Variants in ATF3 observed in about 807,000 individuals in gnomAD.
ATF3 encodes the protein cyclic AMP-dependent transcription factor ATF-3.
A neutral mutation model predicts 18.4 loss-of-function variants in ATF3; 10 were observed. The observed-to-expected ratio is 0.54, with a 90% CI of 0.34 to 0.92. The LOEUF (loss-of-function observed/expected upper bound fraction) is 0.92, where lower values mean the gene tolerates loss of function less well. Ranked by LOEUF, ATF3 falls within the 40% of genes least tolerant of loss-of-function variation. The pLI, the probability that ATF3 is intolerant of heterozygous loss-of-function variation, is 0.02. For synonymous variants in ATF3, 78 were observed against 87.9 expected (o/e 0.89, Z 0.63); for missense variants, 183 against 222.3 (o/e 0.82, Z 1.12).
At chr1:212,607,817 G>T (rs549739766), upstream of ATF3, among the ~76,000 whole-genome samples, 38 of 152,198 alleles carry the variant, frequency 2.5e-4, no homozygotes, top group African/African-American at 8.7e-4. Context: ...CTCCCACCGG[G>T]TTGCCTCTGA....
chr1:212,592,722 T>A (rs1664912786), intron 1 of ATF3, among the ~76,000 whole-genome samples: 1 of 152,058 alleles, frequency 6.6e-6, no homozygotes, highest in Non-Finnish European at 1.5e-5. Flanking sequence ...ACTACTTTGG[T>A]GGGCTGTGTG....
chr1:212,608,451 G>T (rs931548062), upstream of ATF3, among the ~76,000 whole-genome samples: 18 of 152,162 alleles, frequency 1.2e-4, no homozygotes, highest in Non-Finnish European at 2.6e-4. Flanking sequence ...CACATCTGGC[G>T]GCTATCCCGG....
chr1:212,619,625 C>T lies in ATF3; in HGVS notation c.*70C>T. Reference sequence around the variant, plus strand: ...CATTTTATACCCAAAACCCTGAAGCCATTGGAGAGCTGTCTTCCTGTGTAC... The same window carrying T: ...CATTTTATACCCAAAACCCTGAAGCTATTGGAGAGCTGTCTTCCTGTGTAC... On this transcript the variant is annotated 3_prime_UTR_variant, in exon 4 of 4. Transcript: ENST00000341491. This position sits in a 1 kb window ranked among gnomAD's most constrained non-coding sequence, Gnocchi z 4.4. 2 of 1,573,448 alleles carry T rather than the reference C, an allele frequency of 1.3e-6. No individual in the cohort carries two copies. Among genetic ancestry groups the T allele is most frequent in the Non-Finnish European group, 1.7e-6 (2 of 1,156,116 alleles).
chr1:212,607,815 G>A (rs1358615929), upstream of ATF3, among the ~76,000 whole-genome samples: 1 of 152,044 alleles, frequency 6.6e-6, no homozygotes, highest in Non-Finnish European at 1.5e-5. Flanking sequence ...CCCTCCCACC[G>A]GGTTGCCTCT....
intron 1 of ATF3, among the ~76,000 whole-genome samples, chr1:212,595,001 C>T (rs1264459007): frequency 2.0e-5 from 3 of 152,140 alleles, no homozygotes; most frequent in Non-Finnish European, 4.4e-5. Context: ...AGGATAATTG[C>T]AGGGTTGTCA....
At chr1:212,583,561 A>G (rs547165801) in intron 1 of ATF3, among the ~76,000 whole-genome samples, 1 of 147,724 alleles carries the variant, frequency 6.8e-6, no homozygotes, top group East Asian at 2.0e-4. Context: ...AAGAGGAGGG[A>G]ATATTTTATT....
intron 1 of ATF3, among the ~76,000 whole-genome samples, chr1:212,588,348 G>C (rs1664817338): frequency 6.6e-6 from 1 of 152,126 alleles, no homozygotes; most frequent in Admixed American, 6.5e-5. Context: ...GTTGGCTCAA[G>C]AGTGAAGACA....
At chr1:212,580,894 G>A (rs371270100) in intron 1 of ATF3, among the ~76,000 whole-genome samples, 5 of 152,134 alleles carry the variant, frequency 3.3e-5, no homozygotes, top group South Asian at 2.1e-4. Context: ...TCAGTCTCCC[G>A]AATAGCTGGG....
chr1:212,567,462 A>G (rs1216405493), intron 1 of ATF3, among the ~76,000 whole-genome samples: 1 of 152,170 alleles, frequency 6.6e-6, no homozygotes, highest in Admixed American at 6.5e-5. Context: ...GTTTCTGTGC[A>G]AAGGATTCAG....
At chr1:212,577,773 C>G (rs1466659705) in intron 1 of ATF3, among the ~76,000 whole-genome samples, 5 of 152,290 alleles carry the variant, frequency 3.3e-5, no homozygotes. Flanking sequence ...TTTTTCACAG[C>G]TGAATAATAT....
chr1:212,611,334 C>A (rs1216470032), intron 1 of ATF3, among the ~76,000 whole-genome samples: 1 of 152,188 alleles, frequency 6.6e-6, no homozygotes, highest in African/African-American at 2.4e-5. Context: ...GAATTGATAA[C>A]AACAGAATGA....
At position 212,618,120 on chromosome 1, in the gene ATF3, T is replaced by A; in HGVS notation, c.241-7T>A. On this transcript the variant is annotated splice_polypyrimidine_tract_variant and splice_region_variant and intron_variant, in intron 2 of 3. Transcript: ENST00000341491. The surrounding 1 kb of genome is among the most constrained non-coding windows in gnomAD (Gnocchi z 4.4). ...CCCTTTAAATGTGTTTCTTTTGGAT[T>A]TTACAGGTAGCCCCTGAAGAAGATG... The A allele has an allele frequency of 6.2e-7, 1 of 1,613,972 alleles. No individual in the cohort carries two copies. Among genetic ancestry groups the A allele is most frequent in the Non-Finnish European group, 8.5e-7 (1 of 1,179,904 alleles).
Position 212,619,609 on chromosome 1 carries a change from C to A in ATF3, c.*54C>A. ...GTCCTCATTGAATCCTCATTTTATA[C>A]CCAAAACCCTGAAGCCATTGGAGAG... On this transcript the variant is annotated 3_prime_UTR_variant, in exon 4 of 4. Transcript: ENST00000341491. The surrounding 1 kb of genome is among the most constrained non-coding windows in gnomAD (Gnocchi z 4.4). 1.9e-6 allele frequency: 3 copies of A among 1,599,438 alleles called. No individual in the cohort carries two copies. The highest frequency in any genetic ancestry group is 2.2e-5 in the East Asian group (1 of 44,500).
chr1:212,583,591 C>T (rs1240540880), intron 1 of ATF3, among the ~76,000 whole-genome samples: 2 of 152,176 alleles, frequency 1.3e-5, no homozygotes, highest in African/African-American at 4.8e-5. Flanking sequence ...TGAAAGCTGG[C>T]ATCATGGACA....
intron 1 of ATF3, among the ~76,000 whole-genome samples, chr1:212,579,709 T>C (rs1358959519): frequency 6.6e-6 from 1 of 152,228 alleles, no homozygotes; most frequent in African/African-American, 2.4e-5. Flanking sequence ...ATTCCTCTTC[T>C]GTAAAATGAG....
At chr1:212,594,955 A>G (rs1231482669) in intron 1 of ATF3, among the ~76,000 whole-genome samples, 2 of 152,184 alleles carry the variant, frequency 1.3e-5, no homozygotes, top group Admixed American at 1.3e-4. Context: ...AGCCATTCCG[A>G]TTCTAAAGAC....
chr1:212,567,429 A>G (rs1477113542), intron 1 of ATF3, among the ~76,000 whole-genome samples: 1 of 152,204 alleles, frequency 6.6e-6, no homozygotes, highest in Non-Finnish European at 1.5e-5. Flanking sequence ...TCTCAGGAAA[A>G]ACAGCCCTTC....
chr1:212,590,029 T>C (rs2102632992), intron 1 of ATF3, among the ~76,000 whole-genome samples: 2 of 152,286 alleles, frequency 1.3e-5, no homozygotes, highest in South Asian at 4.1e-4. Flanking sequence ...TAGGATGTAC[T>C]TAAGCAGTAA....
chr1:212,596,842 C>G (rs1665003764), intron 1 of ATF3, among the ~76,000 whole-genome samples: 1 of 152,194 alleles, frequency 6.6e-6, no homozygotes, highest in Admixed American at 6.5e-5. Flanking sequence ...TTTGAATTCC[C>G]ACTGCTGTCT....
Sources: allele counts gnomAD v4.1 joint callset (sites outside exome capture counted in the v4.1 genomes callset), GRCh38; gene constraint gnomAD v4.1.1; non-coding constraint Gnocchi (gnomAD v3.1); transcripts MANE v1.5; gene names NCBI Gene and HGNC (gene_info 2026-07-23, HGNC 2026-07-21).